RAB6B: variants seen among roughly 807,000 people sequenced by gnomAD.
The protein encoded by RAB6B is ras-related protein Rab-6B.
A neutral mutation model predicts 31.2 loss-of-function variants in RAB6B; 7 were observed. That is an observed-to-expected ratio of 0.22 (90% CI 0.13 to 0.42). The LOEUF is 0.42. Ranked by LOEUF, RAB6B falls within the 10% of genes least tolerant of loss-of-function variation. The probability of loss-of-function intolerance (pLI) is 1.00; values close to 1 mark genes in which losing one functional copy is unlikely to be tolerated. For synonymous variants in RAB6B, 105 were observed against 104.9 expected, an observed-to-expected ratio of 1.00 and a Z score of -0.01; for missense variants, 149 against 280.6, an observed-to-expected ratio of 0.53 and a Z score of 3.35.
intron 6 of RAB6B, among the ~76,000 whole-genome samples, chr3:133,836,037 T>C (rs1935729819): frequency 6.6e-6 from 1 of 152,214 alleles, no homozygotes; most frequent in South Asian, 2.1e-4. Flanking sequence ...GGCTCTGGGC[T>C]CATACCCTCC....
intron 2 of RAB6B, among the ~76,000 whole-genome samples, chr3:133,850,329 A>T (rs1169069191): frequency 6.6e-6 from 1 of 152,192 alleles, no homozygotes; most frequent in Non-Finnish European, 1.5e-5. Flanking sequence ...TGAATAAGAA[A>T]ATGTCAGCCA....
intron 1 of RAB6B, among the ~76,000 whole-genome samples, chr3:133,869,259 T>C (rs181165252): frequency 9.8e-5 from 15 of 152,356 alleles, no homozygotes; most frequent in East Asian, 3.9e-4. Flanking sequence ...GAGGTTCATC[T>C]CAGGGCAAGT....
chr3:133,845,148 T>C lies in RAB6B; in HGVS notation c.130-3485A>G, dbSNP rs145985321. 6.6e-3 allele frequency among the ~76,000 whole-genome samples: 998 copies of C among 152,306 alleles called. 6 individuals are homozygous for C. The highest frequency in any genetic ancestry group is 0.023 in the African/African-American group (953 of 41,556). On this transcript the variant is annotated intron_variant, in intron 2 of 7. Coordinates refer to ENST00000285208, the MANE Select transcript of RAB6B (RefSeq NM_016577.4). The stretch of plus-strand genomic sequence containing the variant: ...ACAAGATCATCTCAGGACTGAGGGT[T>C]ACACCAGAGGACTCAGAGAAAACCA...
intron 2 of RAB6B, among the ~76,000 whole-genome samples, chr3:133,854,291 A>C (rs1035084556): frequency 3.9e-5 from 6 of 152,366 alleles, no homozygotes; most frequent in Non-Finnish European, 5.9e-5. Context: ...GTCTTGGTCA[A>C]AGCATTCTTT....
At chr3:133,848,849 C>A (rs369336207) in intron 2 of RAB6B, among the ~76,000 whole-genome samples, 1 of 151,806 alleles carries the variant, frequency 6.6e-6, no homozygotes, top group Non-Finnish European at 1.5e-5. Flanking sequence ...GGTGGTGACA[C>A]TGAAACCATT....
chr3:133,868,570 AT>A (rs1184365641), intron 1 of RAB6B, among the ~76,000 whole-genome samples: 1 of 152,230 alleles, frequency 6.6e-6, no homozygotes, highest in Non-Finnish European at 1.5e-5. Flanking sequence ...GAGGACAAAG[AT>A]TCAGCTCCAC....
chr3:133,844,435 G>A (rs72976351), intron 2 of RAB6B, among the ~76,000 whole-genome samples: 1 of 152,308 alleles, frequency 6.6e-6, no homozygotes, highest in Middle Eastern at 3.4e-3. Context: ...AGCCACTGAA[G>A]AACTTCTATA....
intron 2 of RAB6B, among the ~76,000 whole-genome samples, chr3:133,851,850 G>A (rs1369880836): frequency 1.3e-5 from 2 of 152,132 alleles, no homozygotes; most frequent in Admixed American, 6.5e-5. Context: ...AATAAAAGAC[G>A]ACCTTCATGG....
At chr3:133,859,459 T>G (rs1487780988) in intron 2 of RAB6B, among the ~76,000 whole-genome samples, 1 of 151,984 alleles carries the variant, frequency 6.6e-6, no homozygotes, top group African/African-American at 2.4e-5. Context: ...TGTCCATGAG[T>G]GTGTGAGTGT....
chr3:133,885,437 A>C, intron 1 of RAB6B: 1 of 700,048 alleles, frequency 1.4e-6, no homozygotes, highest in Non-Finnish European at 2.6e-6. Flanking sequence ...GGGAACTCAC[A>C]TACCCAGTGA....
intron 1 of RAB6B, among the ~76,000 whole-genome samples, chr3:133,889,423 TATATATATATATATATATA>T (rs1936602866): frequency 3.1e-5 from 2 of 63,532 alleles, no homozygotes; most frequent in South Asian, 5.6e-4. Flanking sequence ...TATATATATA[TATATATATATATATATATA>T]TATTTATTTT....
chr3:133,825,097 A>G lies in RAB6B; in HGVS notation c.*3691T>C, dbSNP rs1935537306. ...CGCACAATCTGCTCGGTTGATGCAC[A>G]CAGACATCCTTCTGTTCAGCTGCCC... On this transcript the variant is annotated 3_prime_UTR_variant, in exon 8 of 8. Transcript: ENST00000285208. 6.6e-6 allele frequency: 1 copy of G among 152,210 alleles called. No individual in the cohort carries two copies. Among genetic ancestry groups the G allele is most frequent in the South Asian group, 2.1e-4 (1 of 4,822 alleles). The allele number at this position is 152,210 out of a possible 1,614,324, so 9.4% of individuals were successfully genotyped here.
chr3:133,889,338 A>C (rs1388884452), intron 1 of RAB6B, among the ~76,000 whole-genome samples: 1 of 135,094 alleles, frequency 7.4e-6, no homozygotes, highest in Non-Finnish European at 1.6e-5. Flanking sequence ...ATAGTCATAG[A>C]CTGATTTTAG....
In RAB6B at chr3:133,895,618, C is replaced by G. The variant is rs1324706144; in HGVS notation, c.-152G>C. 1 of 683,070 alleles carries G rather than the reference C, an allele frequency of 1.5e-6. No individual in the cohort carries two copies. Among genetic ancestry groups the G allele is most frequent in the South Asian group, 1.9e-5 (1 of 52,970 alleles). The allele number at this position is 683,070 out of a possible 1,614,324, so 42.3% of individuals were successfully genotyped here. A position where few individuals can be genotyped will look rare whatever the true frequency, so the allele number is the denominator to read the frequency against. On this transcript the variant is annotated 5_prime_UTR_variant, in exon 1 of 8. Coordinates refer to ENST00000285208, the MANE Select transcript of RAB6B (RefSeq NM_016577.4). ...CGTCCCTGACTCCCCAGCTGCGTCC[C>G]GGTCCCGGCCTGCGGCTGCGTGTCC...
intron 1 of RAB6B, among the ~76,000 whole-genome samples, chr3:133,880,091 T>C (rs1936445876): frequency 6.6e-6 from 1 of 152,190 alleles, no homozygotes; most frequent in African/African-American, 2.4e-5. Flanking sequence ...TATGCATAGT[T>C]GTAGAGAAGG....
chr3:133,826,095 C>T lies in RAB6B; in HGVS notation c.*2693G>A, dbSNP rs1486085128. 6.6e-6 allele frequency: 1 copy of T among 152,238 alleles called. No individual in the cohort carries two copies. Among genetic ancestry groups the T allele is most frequent in the African/African-American group, 2.4e-5 (1 of 41,444 alleles). 9.4% of individuals were successfully genotyped at this position (152,238 alleles called of 1,614,324 possible). On this transcript the variant is annotated 3_prime_UTR_variant, in exon 8 of 8. Transcript: ENST00000285208. ...CTGAAAAAGAGGTCTGGCTGCCTTT[C>T]CACACCCCAGGAAGGGAGGGGCGGA...
intron 1 of RAB6B, chr3:133,885,718 T>C: frequency 1.5e-6 from 1 of 669,448 alleles, no homozygotes; most frequent in African/African-American, 1.8e-5. Context: ...TTGGTCCATC[T>C]GCGTACAGTG....
At chr3:133,840,675 G>C (rs533396305) in intron 4 of RAB6B, among the ~76,000 whole-genome samples, 3 of 152,282 alleles carry the variant, frequency 2.0e-5, no homozygotes, top group Admixed American at 1.3e-4. Context: ...TCCATTACAA[G>C]AGCCTTGCAG....
intron 1 of RAB6B, among the ~76,000 whole-genome samples, chr3:133,891,455 C>T (rs1197273878): frequency 6.6e-6 from 1 of 152,206 alleles, no homozygotes; most frequent in African/African-American, 2.4e-5. Context: ...TGCTAGCCTA[C>T]GGAAGCTGCC....
Sources: gnomAD v4.1 joint callset for allele counts (sites outside exome capture counted in the v4.1 genomes callset) on GRCh38, gnomAD v4.1.1 for gene constraint, MANE v1.5 for transcripts, NCBI Gene and HGNC (gene_info 2026-07-23, HGNC 2026-07-21) for gene names.